The following ZBBX variants were observed in gnomAD, a reference collection of about 807,000 sequenced individuals.
ZBBX encodes the protein zinc finger B-box domain containing.
In ZBBX, 101 loss-of-function variants were observed where a neutral mutation model predicts 108.5. The observed-to-expected ratio is 0.93, with a 90% CI of 0.79 to 1.10. ZBBX has a LOEUF of 1.10. ZBBX is among the 50% of genes least tolerant of loss of function. The pLI, the probability that ZBBX is intolerant of heterozygous loss-of-function variation, is 0.00. For missense variants in ZBBX, 1,009 were observed against 941.4 expected, an observed-to-expected ratio of 1.07 and a Z score of -0.94; for synonymous variants, 356 against 323.4, an observed-to-expected ratio of 1.10 and a Z score of -1.08.
the ZBBX span, among the ~76,000 whole-genome samples, chr3:167,210,552 G>T: frequency 6.6e-6 from 1 of 152,066 alleles, no homozygotes; most frequent in Non-Finnish European, 1.5e-5. Context: ...GTTCAAGTAT[G>T]AGAAAGCTAT....
At chr3:167,302,157 G>C (rs886795869) in intron 17 of ZBBX, among the ~76,000 whole-genome samples, 1 of 151,920 alleles carries the variant, frequency 6.6e-6, no homozygotes, top group Non-Finnish European at 1.5e-5. Context: ...TGTTCCATGT[G>C]TTCTTACAAA....
At chr3:167,214,779 T>C in the ZBBX span, among the ~76,000 whole-genome samples, 1 of 151,988 alleles carries the variant, frequency 6.6e-6, no homozygotes, top group African/African-American at 2.4e-5. Flanking sequence ...ACCAAAATCA[T>C]AGCAAACACA....
At chr3:167,273,437 T>G (rs945972844) in intron 20 of ZBBX, among the ~76,000 whole-genome samples, 10 of 152,164 alleles carry the variant, frequency 6.6e-5, no homozygotes, top group African/African-American at 2.2e-4. Context: ...GCAAGCTCTC[T>G]CTCTGCTATA....
At chr3:167,211,225 C>T in the ZBBX span, among the ~76,000 whole-genome samples, 9 of 152,136 alleles carry the variant, frequency 5.9e-5, no homozygotes, top group African/African-American at 2.2e-4. Flanking sequence ...ACCTCTCTTG[C>T]AGATCATTGC....
At chr3:167,270,156 C>T (rs1726271900) in intron 20 of ZBBX, among the ~76,000 whole-genome samples, 1 of 152,126 alleles carries the variant, frequency 6.6e-6, no homozygotes, top group Admixed American at 6.5e-5. Context: ...TTCTGAGGGG[C>T]TACAAGTCTC....
intron 20 of ZBBX, among the ~76,000 whole-genome samples, chr3:167,279,384 G>A (rs943973865): frequency 6.6e-6 from 1 of 151,952 alleles, no homozygotes; most frequent in Non-Finnish European, 1.5e-5. Context: ...AAGCTGATAA[G>A]CAACTTCAGC....
the ZBBX span, among the ~76,000 whole-genome samples, chr3:167,216,348 G>A: frequency 6.6e-6 from 1 of 151,658 alleles, no homozygotes; most frequent in Non-Finnish European, 1.5e-5. Context: ...CAAACTGAGA[G>A]CTAAATTAAA....
intron 9 of ZBBX, among the ~76,000 whole-genome samples, chr3:167,348,314 G>A (rs374605941): frequency 1.0e-3 from 67 of 65,600 alleles, no homozygotes; most frequent in Non-Finnish European, 1.6e-3. Context: ...GAGAAAGAAA[G>A]AGAAAGAAAG....
At chr3:167,309,803 T>A (rs917607983) in intron 16 of ZBBX, among the ~76,000 whole-genome samples, 2 of 152,228 alleles carry the variant, frequency 1.3e-5, no homozygotes, top group Non-Finnish European at 2.9e-5. Flanking sequence ...GTCTTGGCAA[T>A]CAATAGTTGG....
rs61671930 is a variant in ZBBX, at chr3:167,397,142, TAA to T, written c.-446+10582_-446+10583del. ...GTCGTGAAGAAGAGGTTCTTGGTGG[TAA>T]AAAAAAAAAAAAAAAAAAAAAATCT... On this transcript the variant is annotated intron_variant, in intron 1 of 21. Transcript: ENST00000455345. Among the ~76,000 whole-genome samples, 137 of 72,398 alleles carry T rather than the reference TAA, an allele frequency of 1.9e-3. 3 individuals are homozygous for T. The highest frequency in any genetic ancestry group is 6.1e-3 in the African/African-American group (115 of 18,704). The allele number at this position is 72,398 out of a possible 152,430, so 47.5% of individuals were successfully genotyped here. A position where few individuals can be genotyped will look rare whatever the true frequency, so the allele number is the denominator to read the frequency against.
At chr3:167,352,319 T>C (rs905138052) in intron 8 of ZBBX, among the ~76,000 whole-genome samples, 2 of 151,886 alleles carry the variant, frequency 1.3e-5, no homozygotes, top group South Asian at 2.1e-4. Flanking sequence ...ACTGATACCA[T>C]AGAAATACAA....
chr3:167,192,870 C>T, the ZBBX span, among the ~76,000 whole-genome samples: 1 of 152,090 alleles, frequency 6.6e-6, no homozygotes, highest in Non-Finnish European at 1.5e-5. Flanking sequence ...GTTTGAATTA[C>T]TTTTCTGTGT....
At chr3:167,195,583 C>A in the ZBBX span, among the ~76,000 whole-genome samples, 2 of 152,072 alleles carry the variant, frequency 1.3e-5, no homozygotes, top group South Asian at 2.1e-4. Context: ...ATTTTTCTTC[C>A]TGGTAGGCAC....
the ZBBX span, among the ~76,000 whole-genome samples, chr3:167,202,478 T>G: frequency 5.6e-5 from 8 of 143,548 alleles, no homozygotes; most frequent in African/African-American, 2.0e-4. Context: ...AATTCTATTT[T>G]AAAGCAAAGC....
chr3:167,251,604 C>G (rs1034906665), intron 20 of ZBBX, among the ~76,000 whole-genome samples: 7 of 152,136 alleles, frequency 4.6e-5, no homozygotes, highest in Admixed American at 3.3e-4. Flanking sequence ...TATAACTTAA[C>G]AGTTTTTTGA....
At chr3:167,191,745 A>G in the ZBBX span, among the ~76,000 whole-genome samples, 19 of 151,900 alleles carry the variant, frequency 1.3e-4, no homozygotes, top group East Asian at 3.3e-3. Context: ...AGACTAATAC[A>G]GAAGTATTAG....
intron 2 of ZBBX, among the ~76,000 whole-genome samples, chr3:167,379,106 C>G (rs1395608142): frequency 1.3e-5 from 2 of 152,064 alleles, no homozygotes; most frequent in African/African-American, 4.8e-5. Context: ...TTTTGCACAA[C>G]CTACCCTACG....
At chr3:167,178,458 C>T in the ZBBX span, among the ~76,000 whole-genome samples, 9 of 152,164 alleles carry the variant, frequency 5.9e-5, no homozygotes, top group Admixed American at 1.3e-4. Context: ...GTGACAGCTT[C>T]GTGATCTGTC....
chr3:167,313,974 C>G lies in ZBBX; in HGVS notation c.1417G>C (p.Ala473Pro). 1 of 1,572,104 alleles carries G rather than the reference C, an allele frequency of 6.4e-7. No homozygotes were observed. The highest frequency in any genetic ancestry group is 8.6e-7 in the Non-Finnish European group (1 of 1,161,748). The part of the protein sequence containing the change: ...SSTYYKDNSK[A>P]ETSNTDFDNI... ...TATCCAGCAACAAGAAAAATGTTAC[C>G]TTTTGAATTATCTTTATAATAAGTA... is the stretch of plus-strand genomic sequence containing the variant. Residue 473 changes from alanine (A) to proline (P), a missense_variant and splice_region_variant, in exon 16 of 22, where the codon GCA (alanine) becomes CCA (proline). Ala to Pro is a conservative substitution (Grantham distance 27). Transcript: ENST00000675490.
Sources: allele counts gnomAD v4.1 joint callset (sites outside exome capture counted in the v4.1 genomes callset), GRCh38; gene constraint gnomAD v4.1.1; transcripts MANE v1.5; gene names NCBI Gene and HGNC (gene_info 2026-07-23, HGNC 2026-07-21).